ZNF131: variants seen among roughly 807,000 people sequenced by gnomAD.
ZNF131 encodes zinc finger and BTB domain containing 35.
In ZNF131, 7 loss-of-function variants were observed where a neutral mutation model predicts 60.0. That is an observed-to-expected ratio of 0.12 (90% CI 0.07 to 0.22). ZNF131 has a LOEUF of 0.22. Among genes scored for constraint, ZNF131 ranks in the 10% least tolerant of loss-of-function variants. The probability of loss-of-function intolerance (pLI) is 1.00; values close to 1 mark genes in which losing one functional copy is unlikely to be tolerated. For missense variants in ZNF131, 493 were observed against 740.9 expected (o/e 0.67, Z 3.88); for synonymous variants, 257 against 253.2 (o/e 1.01, Z -0.14).
chr5:43,170,361 G>A (rs976730119), intron 5 of ZNF131, among the ~76,000 whole-genome samples: 4 of 152,214 alleles, frequency 2.6e-5, no homozygotes, highest in South Asian at 2.1e-4. Flanking sequence ...CTATTTAAGC[G>A]TGAGGCTCAC....
intron 3 of ZNF131, among the ~76,000 whole-genome samples, chr5:43,136,987 G>A (rs1344558228): frequency 6.6e-6 from 1 of 152,060 alleles, no homozygotes; most frequent in Non-Finnish European, 1.5e-5. Context: ...AACAAATGAT[G>A]TTGGAAGAAC....
Position 43,125,784 on chromosome 5 carries a change from GA to G in ZNF131, c.226+2484del, listed in dbSNP as rs371323104. ...AACAAGAGTGAAACTCCGTCTCAAAGAAAAAAAAAAGGAAAAGTGGCCCAAG... is the reference window on the plus strand; with the variant it reads ...AACAAGAGTGAAACTCCGTCTCAAAGAAAAAAAAAGGAAAAGTGGCCCAAG... On this transcript the variant is annotated intron_variant, in intron 3 of 6. Coordinates refer to ENST00000682664, the MANE Select transcript of ZNF131 (RefSeq NM_001330707.2). Among the ~76,000 whole-genome samples the G allele has an allele frequency of 6.2e-3, 906 of 145,744 alleles. 6 individuals are homozygous for G. Among genetic ancestry groups the G allele is most frequent in the African/African-American group, 0.017 (676 of 39,934 alleles).
intron 3 of ZNF131, 87 bp downstream of exon 3, chr5:43,123,397 C>A: frequency 8.6e-7 from 1 of 1,168,664 alleles, no homozygotes; most frequent in Admixed American, 2.4e-5. Flanking sequence ...ACTTAGCAAA[C>A]AATTGGTGAA....
intron 4 of ZNF131, among the ~76,000 whole-genome samples, chr5:43,157,366 C>T (rs1749094312): frequency 6.6e-6 from 1 of 152,162 alleles, no homozygotes. Context: ...CGCAAATTTC[C>T]CTTCTTTTAC....
At position 43,174,486 on chromosome 5, in the gene ZNF131, G is replaced by A. The variant is rs376494092; in HGVS notation, c.1225G>A (p.Asp409Asn). 6 of 1,546,790 alleles carry A rather than the reference G, an allele frequency of 3.9e-6. No individual in the cohort carries two copies. Among genetic ancestry groups the A allele is most frequent in the Non-Finnish European group, 4.4e-6 (5 of 1,146,926 alleles). Residue 409 changes from aspartate (D) to asparagine (N), a missense_variant, in exon 7 of 7, where the codon GAT (aspartate) becomes AAT (asparagine). Coordinates refer to ENST00000682664, the MANE Select transcript of ZNF131 (RefSeq NM_001330707.2). ...GTTTAACAGCTGGGACCAGTTCAAAGATCACTTGGTAATACACACTGGAGA... is the reference window on the plus strand; with the variant it reads ...GTTTAACAGCTGGGACCAGTTCAAAAATCACTTGGTAATACACACTGGAGA... The part of the protein sequence containing the change: ...SVFNSWDQFK[D>N]HLVIHTGDKP...
chr5:43,147,078 T>A (rs1475536662), intron 4 of ZNF131, among the ~76,000 whole-genome samples: 2 of 152,208 alleles, frequency 1.3e-5, no homozygotes, highest in Non-Finnish European at 2.9e-5. Context: ...TAGTGTACCG[T>A]ACAAAGTTCA....
intron 3 of ZNF131, among the ~76,000 whole-genome samples, chr5:43,125,927 C>A (rs1744494671): frequency 6.6e-6 from 1 of 152,064 alleles, no homozygotes; most frequent in Non-Finnish European, 1.5e-5. Context: ...CACAAGTCTT[C>A]AGTATTTGAA....
At chr5:43,126,061 C>G (rs1013552922) in intron 3 of ZNF131, among the ~76,000 whole-genome samples, 2 of 152,220 alleles carry the variant, frequency 1.3e-5, no homozygotes, top group African/African-American at 4.8e-5. Flanking sequence ...ACAGTACTGT[C>G]TAGCAAGGTC....
At chr5:43,155,064 C>G (rs576379181) in intron 4 of ZNF131, among the ~76,000 whole-genome samples, 1 of 152,306 alleles carries the variant, frequency 6.6e-6, no homozygotes, top group Admixed American at 6.5e-5. Context: ...TGAGCACTTG[C>G]AGCAGCCCAG....
chr5:43,164,187 A>G (rs1750084753), intron 5 of ZNF131, among the ~76,000 whole-genome samples: 1 of 152,202 alleles, frequency 6.6e-6, no homozygotes, highest in South Asian at 2.1e-4. Context: ...TCATTCAACT[A>G]AATATGGATC....
intron 4 of ZNF131, among the ~76,000 whole-genome samples, chr5:43,140,438 C>G (rs747315592): frequency 3.3e-5 from 5 of 152,160 alleles, no homozygotes; most frequent in Non-Finnish European, 7.4e-5. Context: ...AGAGTAATAA[C>G]GGTACTTTCT....
At chr5:43,147,872 G>A (rs1227458837) in intron 4 of ZNF131, among the ~76,000 whole-genome samples, 4 of 151,424 alleles carry the variant, frequency 2.6e-5, no homozygotes, top group Non-Finnish European at 4.4e-5. Context: ...CTGGCAACAT[G>A]GTGAAACCCA....
chr5:43,172,704 C>T (rs978490601), intron 5 of ZNF131, among the ~76,000 whole-genome samples: 1 of 151,966 alleles, frequency 6.6e-6, no homozygotes, highest in Non-Finnish European at 1.5e-5. Flanking sequence ...TGGACATCTC[C>T]ACCTGTTTTA....
intron 5 of ZNF131, among the ~76,000 whole-genome samples, chr5:43,169,633 G>A (rs1010961898): frequency 6.6e-6 from 1 of 152,092 alleles, no homozygotes; most frequent in African/African-American, 2.4e-5. Context: ...TAATCTATGG[G>A]TATATCATCA....
At chr5:43,160,542 A>G (rs1749553639) in intron 4 of ZNF131, among the ~76,000 whole-genome samples, 1 of 152,126 alleles carries the variant, frequency 6.6e-6, no homozygotes, top group African/African-American at 2.4e-5. Context: ...TCTTCTAGAA[A>G]TTTACTAATT....
chr5:43,142,202 G>A (rs1248702798), intron 4 of ZNF131, among the ~76,000 whole-genome samples: 7 of 151,220 alleles, frequency 4.6e-5, no homozygotes, highest in African/African-American at 1.2e-4. Flanking sequence ...AATTAGCCAG[G>A]CGTTGTGGCG....
chr5:43,147,504 G>A (rs1021248758), intron 4 of ZNF131, among the ~76,000 whole-genome samples: 5 of 151,392 alleles, frequency 3.3e-5, no homozygotes, highest in African/African-American at 4.8e-5. Context: ...TGCGAGCTCC[G>A]CCTCCCGGGT....
chr5:43,134,005 G>A (rs1745694764), intron 3 of ZNF131, among the ~76,000 whole-genome samples: 1 of 152,058 alleles, frequency 6.6e-6, no homozygotes, highest in African/African-American at 2.4e-5. Context: ...AAACTGAAGA[G>A]GAAGGAATAT....
At chr5:43,167,110 A>G (rs534804438) in intron 5 of ZNF131, among the ~76,000 whole-genome samples, 3 of 152,394 alleles carry the variant, frequency 2.0e-5, no homozygotes, top group Non-Finnish European at 2.9e-5. Flanking sequence ...CAGGATGCAT[A>G]CAACATTTAT....
Sources: gnomAD v4.1 joint callset for allele counts (sites outside exome capture counted in the v4.1 genomes callset) on GRCh38, gnomAD v4.1.1 for gene constraint, MANE v1.5 for transcripts, NCBI Gene and HGNC (gene_info 2026-07-23, HGNC 2026-07-21) for gene names.